The following CD96 variants were observed in gnomAD, a reference collection of about 807,000 sequenced individuals.
CD96 encodes T-cell surface protein tactile.
CD96 carries 70 observed loss-of-function variants against 71.3 expected under a neutral mutation model. That is an observed-to-expected ratio of 0.98 (90% CI 0.81 to 1.20). The LOEUF is 1.20. Ranked by LOEUF, CD96 falls within the 50% of genes most tolerant of loss-of-function variation. The pLI, the probability that CD96 is intolerant of heterozygous loss-of-function variation, is 0.00. For missense variants in CD96, 742 were observed against 677.5 expected, an observed-to-expected ratio of 1.10 and a Z score of -1.06; for synonymous variants, 248 against 233.0, an observed-to-expected ratio of 1.06 and a Z score of -0.59.
At chr3:111,631,880 G>C (rs926895442) in intron 10 of CD96, among the ~76,000 whole-genome samples, 4 of 152,080 alleles carry the variant, frequency 2.6e-5, no homozygotes, top group Non-Finnish European at 5.9e-5. Context: ...AATGAGAAAA[G>C]GATTCCCTAT....
At chr3:111,611,969 C>T (rs1315876922) in intron 8 of CD96, among the ~76,000 whole-genome samples, 2 of 152,142 alleles carry the variant, frequency 1.3e-5, no homozygotes, top group South Asian at 2.1e-4. Flanking sequence ...ATCCTGACCA[C>T]GCAGATTGAT....
chr3:111,598,024 A>C (rs1937334359), intron 5 of CD96, 96 bp from the exon 6 acceptor site: 1 of 738,764 alleles, frequency 1.4e-6, no homozygotes, highest in East Asian at 2.5e-5. Context: ...AAATGGAGAA[A>C]CTCTTTTTTG....
intron 4 of CD96, among the ~76,000 whole-genome samples, chr3:111,582,318 C>T (rs926419695): frequency 2.0e-5 from 3 of 152,192 alleles, no homozygotes; most frequent in African/African-American, 7.2e-5. Flanking sequence ...GTTTGCTATG[C>T]TCAAGAATTT....
intron 8 of CD96, among the ~76,000 whole-genome samples, chr3:111,613,260 A>G (rs1576390376): frequency 6.6e-6 from 1 of 152,196 alleles, no homozygotes; most frequent in Non-Finnish European, 1.5e-5. Flanking sequence ...AGTATCTACA[A>G]GCTCACCACA....
intron 13 of CD96, among the ~76,000 whole-genome samples, chr3:111,648,771 C>G (rs1325294855): frequency 6.6e-6 from 1 of 152,172 alleles, no homozygotes; most frequent in South Asian, 2.1e-4. Context: ...CTTTATCTCT[C>G]CTAAGATGCT....
rs1178804918 is a variant in CD96 at position 111,600,765 on chromosome 3, G to C, written c.938G>C (p.Gly313Ala). 3.7e-6 allele frequency: 6 copies of C among 1,613,708 alleles called. No homozygotes were observed. The highest frequency in any genetic ancestry group is 5.1e-6 in the Non-Finnish European group (6 of 1,179,624). Residue 313 changes from glycine (G) to alanine (A), a missense_variant, in exon 7 of 14, where the codon GGA (glycine) becomes GCA (alanine). By Grantham distance (60) the Gly-to-Ala change is moderately conservative. Transcript: ENST00000352690. ...ITNEERKGKD[G>A]FLELKSVLTR... Reference sequence around the variant, plus strand: ...AATGAAGAGAGAAAAGGCAAAGATGGATTTTTGGAACTGAAGTCTGTTTTA... The same window carrying C: ...AATGAAGAGAGAAAAGGCAAAGATGCATTTTTGGAACTGAAGTCTGTTTTA...
At chr3:111,544,736 A>G (rs986211145) in intron 1 of CD96, among the ~76,000 whole-genome samples, 13 of 152,190 alleles carry the variant, frequency 8.5e-5, no homozygotes, top group East Asian at 1.9e-4. Context: ...GTGTGCTTCA[A>G]TTTTCAAATA....
Position 111,652,308 on chromosome 3 carries a change from C to T in CD96, c.*2502C>T. On this transcript the variant is annotated 3_prime_UTR_variant, in exon 14 of 14. Transcript: ENST00000352690. ...GCTAGCTTCATATGTATGGCTGTTGCTTTGCTTCATGTGTATGGCTATTTG... is the reference window on the plus strand; with the variant it reads ...GCTAGCTTCATATGTATGGCTGTTGTTTTGCTTCATGTGTATGGCTATTTG... 1 of 152,054 alleles carries T rather than the reference C, an allele frequency of 6.6e-6. No individual in the cohort carries two copies. Among genetic ancestry groups the T allele is most frequent in the Non-Finnish European group, 1.5e-5 (1 of 68,008 alleles). 9.4% of individuals were successfully genotyped at this position (152,054 alleles called of 1,614,324 possible).
chr3:111,579,034 A>G lies in CD96; in HGVS notation c.551A>G (p.Asn184Ser). Residue 184 changes from asparagine to serine, a missense_variant, in exon 4 of 14, where the codon AAT (asparagine) becomes AGT (serine). Physicochemically the swap from Asn to Ser is conservative, Grantham distance 46. Coordinates refer to ENST00000352690, the MANE Select transcript of CD96 (RefSeq NM_005816.5). ...EFTYAWSVED[N>S]GTQETLISQN... ...AACAATTTTTCTCACCAGGAGGATA[A>G]TGGAACTCAGGAAACACTTATCTCC... 1.3e-6 allele frequency: 2 copies of G among 1,588,026 alleles called. No homozygotes were observed. The highest frequency in any genetic ancestry group is 2.2e-5 in the South Asian group (2 of 90,512).
At chr3:111,550,188 A>C (rs1280680532) in intron 2 of CD96, among the ~76,000 whole-genome samples, 1 of 152,200 alleles carries the variant, frequency 6.6e-6, no homozygotes, top group Non-Finnish European at 1.5e-5. Context: ...AAGATAAAAT[A>C]GTTATTCGAA....
intron 7 of CD96, among the ~76,000 whole-genome samples, chr3:111,603,171 G>T (rs1937535924): frequency 6.6e-6 from 1 of 152,196 alleles, no homozygotes; most frequent in African/African-American, 2.4e-5. Flanking sequence ...ACCAGGCACA[G>T]TGGCTCATGC....
At chr3:111,663,629 T>G (rs1326645507) in intron 14 of CD96, among the ~76,000 whole-genome samples, 1 of 152,008 alleles carries the variant, frequency 6.6e-6, no homozygotes, top group Non-Finnish European at 1.5e-5. Flanking sequence ...ACATCACTAA[T>G]CATTAGAGAA....
chr3:111,637,399 T>C lies in CD96; in HGVS notation c.1387+138T>C, dbSNP rs12330608. ...TACATCTTGATGATGAAAATTACAA[T>C]GAATGGAAACAAAATTCTTCTCAGC... On this transcript the variant is annotated intron_variant, in intron 11 of 13. Transcript: ENST00000352690. 1,071 of 697,134 alleles carry C rather than the reference T, an allele frequency of 1.5e-3. 8 individuals carry two copies. Among genetic ancestry groups the C allele is most frequent in the Non-Finnish European group, 1.5e-3 (583 of 376,130 alleles). The allele number at this position is 697,134 out of a possible 1,614,324, so 43.2% of individuals were successfully genotyped here. A position where few individuals can be genotyped will look rare whatever the true frequency, so the allele number is the denominator to read the frequency against.
intron 12 of CD96, among the ~76,000 whole-genome samples, chr3:111,642,373 G>A (rs1487683978): frequency 6.6e-6 from 1 of 152,188 alleles, no homozygotes; most frequent in African/African-American, 2.4e-5. Flanking sequence ...ACCCCTTTAT[G>A]CACATAAACT....
intron 2 of CD96, among the ~76,000 whole-genome samples, chr3:111,550,485 A>G (rs1934642582): frequency 6.6e-6 from 1 of 152,134 alleles, no homozygotes; most frequent in Non-Finnish European, 1.5e-5. Flanking sequence ...ATCTAGTTGA[A>G]AAAGGGTAGT....
intron 2 of CD96, 74 bp from the exon 3 acceptor site, chr3:111,567,449 T>G: frequency 3.9e-6 from 5 of 1,279,736 alleles, no homozygotes; most frequent in Non-Finnish European, 5.7e-6. Context: ...AAAACTGTTT[T>G]TGTCTCTTTG....
chr3:111,650,010 T>C lies in CD96; in HGVS notation c.*204T>C. The C allele has an allele frequency of 1.7e-6, 1 of 602,854 alleles. No homozygotes were observed. The highest frequency in any genetic ancestry group is 3.0e-6 in the Non-Finnish European group (1 of 330,588). The allele number at this position is 602,854 out of a possible 1,614,324, so 37.3% of individuals were successfully genotyped here. A position where few individuals can be genotyped will look rare whatever the true frequency, so the allele number is the denominator to read the frequency against. On this transcript the variant is annotated 3_prime_UTR_variant, in exon 14 of 14. Transcript: ENST00000352690. ...GCTTAACCAAGAGTGAGAGGATATG[T>C]CATGTTCACACTCAATGCAATTCGT...
At chr3:111,559,024 G>A (rs1165866186) in intron 2 of CD96, among the ~76,000 whole-genome samples, 1 of 152,146 alleles carries the variant, frequency 6.6e-6, no homozygotes, top group East Asian at 1.9e-4. Context: ...TCTGATGGTA[G>A]TTTGTATTTC....
intron 8 of CD96, chr3:111,607,116 A>G (rs1409586511): frequency 3.1e-6 from 1 of 321,328 alleles, no homozygotes; most frequent in Non-Finnish European, 5.9e-6. Flanking sequence ...AAGAGTTAAC[A>G]TAGCTTCCAA....
Sources: allele counts gnomAD v4.1 joint callset (sites outside exome capture counted in the v4.1 genomes callset), GRCh38; gene constraint gnomAD v4.1.1; transcripts MANE v1.5; gene names NCBI Gene and HGNC (gene_info 2026-07-23, HGNC 2026-07-21).